Variants in CYP20A1 observed in about 807,000 individuals in gnomAD.
CYP20A1 encodes the protein cytochrome P450 family 20 subfamily A member 1.
CYP20A1 carries 61 observed loss-of-function variants against 61.4 expected under a neutral mutation model. That is an observed-to-expected ratio of 0.99 (90% CI 0.81 to 1.23). CYP20A1 has a LOEUF of 1.23. Ranked by LOEUF, CYP20A1 falls within the 50% of genes most tolerant of loss-of-function variation. The probability of loss-of-function intolerance (pLI) is 0.00; values close to 1 mark genes in which losing one functional copy is unlikely to be tolerated. For missense variants in CYP20A1, 530 were observed against 542.4 expected (o/e 0.98, Z 0.23); for synonymous variants, 193 against 188.2 (o/e 1.03, Z -0.21).
At chr2:203,245,008 A>T (rs1243697604) in intron 1 of CYP20A1, among the ~76,000 whole-genome samples, 1 of 150,286 alleles carries the variant, frequency 6.7e-6, no homozygotes, top group African/African-American at 2.5e-5. Context: ...CTGGGATTAC[A>T]GGCGTGAGCC....
At chr2:203,295,304 G>C (rs2068743002) in intron 11 of CYP20A1, among the ~76,000 whole-genome samples, 1 of 151,600 alleles carries the variant, frequency 6.6e-6, no homozygotes, top group South Asian at 2.1e-4. Context: ...CGAATTCCTG[G>C]GCTCAAGCAA....
intron 10 of CYP20A1, among the ~76,000 whole-genome samples, chr2:203,291,686 T>A (rs1426032176): frequency 6.6e-6 from 1 of 152,176 alleles, no homozygotes; most frequent in Non-Finnish European, 1.5e-5. Flanking sequence ...GATGCAGATT[T>A]TTTTTTTATA....
Position 203,243,255 on chromosome 2 carries a change from C to T in CYP20A1, c.73-2591C>T, listed in dbSNP as rs369867121. 1.6e-4 allele frequency among the ~76,000 whole-genome samples: 24 copies of T among 151,956 alleles called. No homozygotes were observed. In the East Asian group the frequency reaches 3.5e-3, roughly 22 times the overall value. On this transcript the variant is annotated intron_variant, in intron 1 of 12. Transcript: ENST00000356079. Reference sequence around the variant, plus strand: ...ACCTTCCGGGTTCAAGCGATTCTCCCACCTCATCCTCCCGAGAAGCTGAGA... The same window carrying T: ...ACCTTCCGGGTTCAAGCGATTCTCCTACCTCATCCTCCCGAGAAGCTGAGA...
chr2:203,280,336 A>T (rs2067991818), intron 8 of CYP20A1, among the ~76,000 whole-genome samples: 1 of 152,170 alleles, frequency 6.6e-6, no homozygotes, highest in Non-Finnish European at 1.5e-5. Context: ...AAGAGGATGA[A>T]TCACGAGGAT....
chr2:203,252,153 A>G, intron 4 of CYP20A1, 44 bp downstream of exon 4: 3 of 1,463,208 alleles, frequency 2.1e-6, no homozygotes, highest in South Asian at 2.9e-5. Context: ...CAACATAAAT[A>G]ATAGTATTTA....
intron 5 of CYP20A1, among the ~76,000 whole-genome samples, chr2:203,271,082 A>ATATATATATTTT (rs1178482961): frequency 3.2e-5 from 1 of 31,630 alleles, no homozygotes; most frequent in African/African-American, 1.0e-4. Context: ...ATATATATAT[A>ATATATATATTTT]TTTTTTTTTT....
In CYP20A1 at chr2:203,301,003, C is replaced by A. The variant is rs1439196017; in HGVS notation, c.*4095C>A. Among the ~76,000 whole-genome samples, 1 of 151,504 alleles carries A rather than the reference C, an allele frequency of 6.6e-6. No individual in the cohort carries two copies. The highest frequency in any genetic ancestry group is 1.5e-5 in the Non-Finnish European group (1 of 67,934). Reference sequence around the variant, plus strand: ...CCTGAAGTCAGGAGTTCAAGACCAGCCTGACCAACATGGAGAAACTTCATC... The same window carrying A: ...CCTGAAGTCAGGAGTTCAAGACCAGACTGACCAACATGGAGAAACTTCATC... On this transcript the variant is annotated 3_prime_UTR_variant, in exon 13 of 13. Transcript: ENST00000356079.
At chr2:203,285,775 T>C (rs774276724) in intron 9 of CYP20A1, 43 bp downstream of exon 9, 9 of 1,485,138 alleles carry the variant, frequency 6.1e-6, no homozygotes, top group South Asian at 3.0e-5. Context: ...AAGGTAAATT[T>C]GAACTGGTTT....
rs180693185 is a variant in CYP20A1 at position 203,255,008 on chromosome 2, A to G, written c.432+2899A>G. 3.9e-3 allele frequency among the ~76,000 whole-genome samples: 599 copies of G among 152,112 alleles called. 7 individuals are homozygous for G. Among genetic ancestry groups the G allele is most frequent in the African/African-American group, 0.014 (569 of 41,528 alleles). On this transcript the variant is annotated intron_variant, in intron 4 of 12. Transcript: ENST00000356079. ...TCCGTCTCCAAAAAAAAAAAGAGGAAAAAAGAAAAGAAAATCACATTTGAA... is the reference window on the plus strand; with the variant it reads ...TCCGTCTCCAAAAAAAAAAAGAGGAGAAAAGAAAAGAAAATCACATTTGAA...
At chr2:203,256,906 T>C (rs1182117888) in intron 4 of CYP20A1, among the ~76,000 whole-genome samples, 2 of 152,184 alleles carry the variant, frequency 1.3e-5, no homozygotes, top group African/African-American at 4.8e-5. Flanking sequence ...TTCCCAGCCT[T>C]GCATGGCTAA....
rs537125159 is a variant in CYP20A1, at chr2:203,303,125, T to C, written c.*6217T>C. ...AAGCAATTCTCCTGCCTCAGCCTCC[T>C]GAGTAGCTGAGACTACGGGTATGTG... On this transcript the variant is annotated 3_prime_UTR_variant, in exon 13 of 13. Transcript: ENST00000356079. 6.6e-6 allele frequency among the ~76,000 whole-genome samples: 1 copy of C among 152,150 alleles called. No homozygotes were observed. The highest frequency in any genetic ancestry group is 2.4e-5 in the African/African-American group (1 of 41,534).
intron 5 of CYP20A1, among the ~76,000 whole-genome samples, chr2:203,269,978 G>A (rs2067496808): frequency 6.6e-6 from 1 of 151,996 alleles, no homozygotes. Flanking sequence ...TTGCCTTGGT[G>A]CAGTGGTTCA....
At chr2:203,269,714 G>C (rs1465411977) in intron 5 of CYP20A1, among the ~76,000 whole-genome samples, 1 of 151,736 alleles carries the variant, frequency 6.6e-6, no homozygotes, top group African/African-American at 2.4e-5. Context: ...AGCTGGTCTC[G>C]AACTCCTGAT....
chr2:203,245,067 T>C (rs188642819), intron 1 of CYP20A1, among the ~76,000 whole-genome samples: 1 of 147,462 alleles, frequency 6.8e-6, no homozygotes, highest in African/African-American at 2.5e-5. Context: ...TCTTGCTCTG[T>C]TGCCCAGGCT....
intron 5 of CYP20A1, among the ~76,000 whole-genome samples, chr2:203,272,401 CG>C (rs1190851767): frequency 6.6e-6 from 1 of 151,624 alleles, no homozygotes; most frequent in East Asian, 2.0e-4. Flanking sequence ...AATTAGCTGG[CG>C]TTGGTGGCAC....
chr2:203,278,409 A>T (rs1467444340), intron 6 of CYP20A1, among the ~76,000 whole-genome samples, 164 bp from the exon 7 acceptor site: 2 of 152,206 alleles, frequency 1.3e-5, no homozygotes, highest in African/African-American at 4.8e-5. Flanking sequence ...AATTTGGCAA[A>T]AAAGGAAGAA....
In CYP20A1 at chr2:203,273,803, C is replaced by T. The variant is rs13391904; in HGVS notation, c.679+1055C>T. On this transcript the variant is annotated intron_variant, in intron 6 of 12. Transcript: ENST00000356079. ...TACTAAAAAAATACAAAACATTAGC[C>T]GGGTGCAGCAGCGCACACTTGTAAT... Among the ~76,000 whole-genome samples, 402 of 152,094 alleles carry T rather than the reference C, an allele frequency of 2.6e-3. 2 individuals carry two copies. The highest frequency in any genetic ancestry group is 9.1e-3 in the African/African-American group (376 of 41,494).
chr2:203,250,928 C>G (rs2066642809), intron 3 of CYP20A1, among the ~76,000 whole-genome samples: 1 of 151,590 alleles, frequency 6.6e-6, no homozygotes, highest in South Asian at 2.1e-4. Context: ...GCCGGGCATG[C>G]TGGCAGGAGC....
In CYP20A1 at chr2:203,271,082, ATTT is replaced by A. The variant is rs1161241853; in HGVS notation, c.601-1567_601-1565del. On this transcript the variant is annotated intron_variant, in intron 5 of 12. Transcript: ENST00000356079. ...TATATATATATATATATATATATAT[ATTT>A]TTTTTTTTTTTTTTTTTTTTGAGAC... 9.2e-3 allele frequency among the ~76,000 whole-genome samples: 290 copies of A among 31,452 alleles called. 1 individual carries two copies. The highest frequency in any genetic ancestry group is 0.019 in the African/African-American group (178 of 9,478). The allele number at this position is 31,452 out of a possible 152,430, so 20.6% of individuals were successfully genotyped here.
Sources: allele counts gnomAD v4.1 joint callset (sites outside exome capture counted in the v4.1 genomes callset), GRCh38; gene constraint gnomAD v4.1.1; transcripts MANE v1.5; gene names NCBI Gene and HGNC (gene_info 2026-07-23, HGNC 2026-07-21).